FOXN3: variants seen among roughly 807,000 people sequenced by gnomAD.
FOXN3 encodes the protein forkhead box N3.
A neutral mutation model predicts 38.4 loss-of-function variants in FOXN3; 7 were observed. The observed-to-expected ratio is 0.18, with a 90% confidence interval of 0.10 to 0.34. The LOEUF (loss-of-function observed/expected upper bound fraction) is 0.34. Ranked by LOEUF, FOXN3 falls within the 10% of genes least tolerant of loss-of-function variation. FOXN3 has a pLI of 1.00. For synonymous variants in FOXN3, 230 were observed against 242.2 expected, an observed-to-expected ratio of 0.95 and a Z score of 0.47; for missense variants, 456 against 613.4, an observed-to-expected ratio of 0.74 and a Z score of 2.71.
At chr14:89,519,508 G>C (rs186057408) in intron 1 of FOXN3, among the ~76,000 whole-genome samples, 2 of 152,166 alleles carry the variant, frequency 1.3e-5, no homozygotes. Context: ...GGTGGAAACA[G>C]TGAAGGTGGT....
chr14:89,268,587 TGTCTGTGC>T, intron 4 of FOXN3, among the ~76,000 whole-genome samples: 1 of 152,326 alleles, frequency 6.6e-6, no homozygotes, highest in South Asian at 2.1e-4. Flanking sequence ...GAGTGGCCCC[TGTCTGTGC>T]GTCTCTGGGC....
chr14:89,182,344 C>A (rs1023262679), intron 4 of FOXN3, among the ~76,000 whole-genome samples: 14 of 152,208 alleles, frequency 9.2e-5, no homozygotes, highest in African/African-American at 3.4e-4. Flanking sequence ...TAATTTTTGC[C>A]ATTTATTTTC....
At chr14:89,483,225 G>A (rs1893376437) in intron 1 of FOXN3, among the ~76,000 whole-genome samples, 2 of 151,964 alleles carry the variant, frequency 1.3e-5, no homozygotes, top group South Asian at 2.1e-4. Flanking sequence ...AAAAAGAATG[G>A]GTGTACATTC....
intron 1 of FOXN3, among the ~76,000 whole-genome samples, chr14:89,443,886 G>A (rs754372020): frequency 4.0e-5 from 6 of 151,592 alleles, no homozygotes; most frequent in Non-Finnish European, 7.4e-5. Context: ...GTGCATGCCT[G>A]TAATCCCAGC....
At chr14:89,219,994 TATA>T (rs1300753282) in intron 4 of FOXN3, among the ~76,000 whole-genome samples, 2 of 152,334 alleles carry the variant, frequency 1.3e-5, no homozygotes, top group South Asian at 2.1e-4. Flanking sequence ...TTTTTAAAAT[TATA>T]ATGATGTATA....
chr14:89,305,299 G>A (rs987330595), intron 3 of FOXN3, among the ~76,000 whole-genome samples: 3 of 152,136 alleles, frequency 2.0e-5, no homozygotes, highest in African/African-American at 4.8e-5. Flanking sequence ...AGAACCCATC[G>A]TTCAACAAAA....
chr14:89,407,789 C>T (rs1891434285), intron 2 of FOXN3, among the ~76,000 whole-genome samples: 1 of 152,172 alleles, frequency 6.6e-6, no homozygotes, highest in Non-Finnish European at 1.5e-5. Context: ...CATGATTATG[C>T]CACTGCGCTC....
chr14:89,370,481 T>A (rs1890285816), intron 2 of FOXN3, among the ~76,000 whole-genome samples: 1 of 152,228 alleles, frequency 6.6e-6, no homozygotes, highest in Non-Finnish European at 1.5e-5. Context: ...CACAAAGGGC[T>A]GTACCAAAAC....
chr14:89,191,730 T>C (rs1488889840), intron 4 of FOXN3, among the ~76,000 whole-genome samples: 1 of 149,672 alleles, frequency 6.7e-6, no homozygotes, highest in Admixed American at 6.7e-5. Flanking sequence ...TGGATAATGC[T>C]GGTTCCCGAA....
At chr14:89,318,318 C>T (rs897713477) in intron 3 of FOXN3, among the ~76,000 whole-genome samples, 1 of 152,074 alleles carries the variant, frequency 6.6e-6, no homozygotes, top group South Asian at 2.1e-4. Context: ...ACCACCATGC[C>T]CAGCTAATTT....
At chr14:89,375,888 C>T (rs1326460980) in intron 2 of FOXN3, among the ~76,000 whole-genome samples, 1 of 152,154 alleles carries the variant, frequency 6.6e-6, no homozygotes, top group African/African-American at 2.4e-5. Context: ...TCAAGCAATT[C>T]TCCTGCCTCA....
intron 3 of FOXN3, among the ~76,000 whole-genome samples, chr14:89,327,653 C>T (rs1049199395): frequency 6.6e-6 from 1 of 152,260 alleles, no homozygotes; most frequent in African/African-American, 2.4e-5. Flanking sequence ...ACTAGTTTAC[C>T]CCTCAGATGG....
rs572656657 is a variant in FOXN3 at position 89,210,627 on chromosome 14, C to T, written c.746-29821G>A. Reference sequence around the variant, plus strand: ...AAGTGTCATTTGCAGCATTAATTAACACAAACAAGCCACGTATTTAAAGAC... The same window carrying T: ...AAGTGTCATTTGCAGCATTAATTAATACAAACAAGCCACGTATTTAAAGAC... On this transcript the variant is annotated intron_variant, in intron 4 of 5. Transcript: ENST00000557258. Among the ~76,000 whole-genome samples, 3 of 152,322 alleles carry T rather than the reference C, an allele frequency of 2.0e-5. No individual in the cohort carries two copies. The East Asian group carries it at 5.8e-4, about 29-fold the overall frequency.
In FOXN3 at chr14:89,159,755, A is replaced by C. The variant is rs1196552413; in HGVS notation, c.*2659T>G. 5 of 152,308 alleles carry C rather than the reference A, an allele frequency of 3.3e-5. No individual in the cohort carries two copies. Among genetic ancestry groups the C allele is most frequent in the Admixed American group, 3.3e-4 (5 of 15,288 alleles). 9.4% of individuals were successfully genotyped at this position (152,308 alleles called of 1,614,324 possible). A position where few individuals can be genotyped will look rare whatever the true frequency, so the allele number is the denominator to read the frequency against. On this transcript the variant is annotated 3_prime_UTR_variant, in exon 6 of 6. Coordinates refer to ENST00000557258, the MANE Select transcript of FOXN3 (RefSeq NM_005197.4). ...TTAGGCTTGGTCAGGTGACAACACA[A>C]ATCAAGGTGTCGCTCAGGTTCCATA...
chr14:89,396,600 G>A (rs1370011647), intron 2 of FOXN3, among the ~76,000 whole-genome samples: 2 of 152,114 alleles, frequency 1.3e-5, no homozygotes, highest in African/African-American at 4.8e-5. Flanking sequence ...TTTGGGAGGC[G>A]AGGCGGGTGG....
intron 4 of FOXN3, among the ~76,000 whole-genome samples, chr14:89,219,547 A>G (rs11851265): frequency 0.78 from 118,521 of 152,120 alleles, 46,278 homozygotes; most frequent in African/African-American, 0.82. Context: ...GTGTTCCCCG[A>G]GAGCATGGCA....
chr14:89,611,677 G>A (rs1261629633), intron 1 of FOXN3, among the ~76,000 whole-genome samples: 1 of 152,074 alleles, frequency 6.6e-6, no homozygotes, highest in Non-Finnish European at 1.5e-5. Flanking sequence ...ATGGCAGCGG[G>A]TGCCTGTAGT....
chr14:89,567,618 T>TGTAAAAGGTACAGAGCG (rs1895388795), intron 1 of FOXN3, among the ~76,000 whole-genome samples: 4 of 152,194 alleles, frequency 2.6e-5, no homozygotes, highest in African/African-American at 9.6e-5. Context: ...AAGGGAAGAT[T>TGTAAAAGGTACAGAGCG]ATTTATTGGC....
chr14:89,299,605 C>A (rs1052715969), intron 3 of FOXN3, among the ~76,000 whole-genome samples: 1 of 152,202 alleles, frequency 6.6e-6, no homozygotes, highest in African/African-American at 2.4e-5. Context: ...AGCAGCTTGC[C>A]TCAGAGATGG....
Sources: gnomAD v4.1 joint callset for allele counts (sites outside exome capture counted in the v4.1 genomes callset) on GRCh38, gnomAD v4.1.1 for gene constraint, MANE v1.5 for transcripts, NCBI Gene and HGNC (gene_info 2026-07-23, HGNC 2026-07-21) for gene names.